TFEC: variants seen among roughly 807,000 people sequenced by gnomAD.
The protein encoded by TFEC is class E basic helix-loop-helix protein 34.
A neutral mutation model predicts 41.6 loss-of-function variants in TFEC; 31 were observed. That is an observed-to-expected ratio of 0.74 (90% CI 0.56 to 1.01). The LOEUF is 1.01. Ranked by LOEUF, TFEC falls within the 50% of genes least tolerant of loss-of-function variation. TFEC has a pLI of 0.00. For synonymous variants in TFEC, 143 were observed against 140.6 expected (o/e 1.02, Z -0.12); for missense variants, 402 against 404.1 (o/e 0.99, Z 0.04).
chr7:115,951,425 A>C (rs535187786), intron 5 of TFEC, among the ~76,000 whole-genome samples: 1 of 152,214 alleles, frequency 6.6e-6, no homozygotes, highest in East Asian at 1.9e-4. Context: ...CCTTGAGGGC[A>C]GGGACCTAAC....
At chr7:116,040,519 A>G (rs1796011794) in intron 3 of TFEC, among the ~76,000 whole-genome samples, 1 of 152,186 alleles carries the variant, frequency 6.6e-6, no homozygotes, top group Non-Finnish European at 1.5e-5. Context: ...CAAATATTTG[A>G]TATTTTAATA....
rs1793334997 is a variant in TFEC, at chr7:115,938,450, C to T, written c.*2101G>A. 1.3e-5 allele frequency: 2 copies of T among 151,816 alleles called. No individual in the cohort carries two copies. Among genetic ancestry groups the T allele is most frequent in the South Asian group, 4.1e-4 (2 of 4,830 alleles). 9.4% of individuals were successfully genotyped at this position (151,816 alleles called of 1,614,324 possible). A position where few individuals can be genotyped will look rare whatever the true frequency, so the allele number is the denominator to read the frequency against. On this transcript the variant is annotated 3_prime_UTR_variant, in exon 8 of 8. Coordinates refer to ENST00000265440, the MANE Select transcript of TFEC (RefSeq NM_012252.4). ...ATTATTGAGAAGATGTATCTAATAG[C>T]TGTTTCACATGGCATATTTCAGATG...
At chr7:116,098,853 AAG>A (rs948817737) in intron 3 of TFEC, among the ~76,000 whole-genome samples, 3 of 145,796 alleles carry the variant, frequency 2.1e-5, no homozygotes, top group Non-Finnish European at 4.5e-5. Context: ...AGAAGAAAGA[AAG>A]AGAGAGGAAG....
At chr7:116,081,279 G>T (rs1303499877) in intron 3 of TFEC, among the ~76,000 whole-genome samples, 1 of 151,602 alleles carries the variant, frequency 6.6e-6, no homozygotes, top group African/African-American at 2.4e-5. Context: ...CACTGCTAGG[G>T]TGATGGGTGC....
chr7:116,059,236 C>A (rs763477117), intron 3 of TFEC, among the ~76,000 whole-genome samples: 2 of 151,460 alleles, frequency 1.3e-5, no homozygotes, highest in Non-Finnish European at 3.0e-5. Context: ...CAACTTCATG[C>A]CAAAAAAGTC....
In TFEC at chr7:115,939,768, A is replaced by ATATGTG. The variant is rs1469122634; in HGVS notation, c.*777_*782dup. On this transcript the variant is annotated 3_prime_UTR_variant, in exon 8 of 8. Coordinates refer to ENST00000265440, the MANE Select transcript of TFEC (RefSeq NM_012252.4). ...AACATATACTACCTGAATGATGTGC[A>ATATGTG]TATGTGTATGTGTATGTTTGTGTGA... The ATATGTG allele has an allele frequency of 6.6e-6, 1 of 152,082 alleles. No individual in the cohort carries two copies. The highest frequency in any genetic ancestry group is 1.5e-5 in the Non-Finnish European group (1 of 67,992). 9.4% of individuals were successfully genotyped at this position (152,082 alleles called of 1,614,324 possible).
intron 1 of TFEC, among the ~76,000 whole-genome samples, chr7:116,020,750 C>T (rs1795366664): frequency 6.6e-6 from 1 of 151,944 alleles, no homozygotes; most frequent in Admixed American, 6.6e-5. Flanking sequence ...GCCCTAAAAT[C>T]TATCTAATCG....
chr7:116,057,129 G>C (rs1037251913), intron 3 of TFEC, among the ~76,000 whole-genome samples: 7 of 151,932 alleles, frequency 4.6e-5, no homozygotes, highest in African/African-American at 1.7e-4. Context: ...GAGTAAAACA[G>C]TAAAAACAAC....
chr7:116,023,743 G>T (rs1031580172), intron 1 of TFEC, among the ~76,000 whole-genome samples: 4 of 151,986 alleles, frequency 2.6e-5, no homozygotes, highest in Admixed American at 6.6e-5. Context: ...ATTGAAAAGG[G>T]CTCTAAAAAT....
intron 3 of TFEC, among the ~76,000 whole-genome samples, chr7:116,062,002 T>C (rs1796568670): frequency 1.3e-5 from 2 of 151,742 alleles, no homozygotes; most frequent in Admixed American, 1.3e-4. Context: ...GGAATTTTTT[T>C]TTTTTTAATC....
At chr7:116,073,413 T>C (rs1009899433) in intron 3 of TFEC, among the ~76,000 whole-genome samples, 6 of 151,814 alleles carry the variant, frequency 4.0e-5, no homozygotes, top group Non-Finnish European at 7.4e-5. Flanking sequence ...TTTTAATTAA[T>C]GATAAGCAAA....
intron 3 of TFEC, among the ~76,000 whole-genome samples, chr7:116,058,356 CAG>C (rs1462158315): frequency 2.0e-5 from 3 of 149,970 alleles, no homozygotes; most frequent in Non-Finnish European, 1.5e-5. Flanking sequence ...AACCTAATAA[CAG>C]AGTTTCAAAA....
At chr7:116,090,918 G>T (rs1003118294) in intron 3 of TFEC, among the ~76,000 whole-genome samples, 11 of 151,304 alleles carry the variant, frequency 7.3e-5, no homozygotes, top group Non-Finnish European at 1.5e-4. Flanking sequence ...GTTGAACAAT[G>T]AGAACATAGG....
At chr7:116,039,640 A>G (rs1004124096) in intron 3 of TFEC, among the ~76,000 whole-genome samples, 4 of 152,092 alleles carry the variant, frequency 2.6e-5, no homozygotes, top group African/African-American at 4.8e-5. Context: ...TAACTATAAC[A>G]GTACAATTAT....
chr7:115,976,392 T>G (rs1056858864), intron 2 of TFEC, among the ~76,000 whole-genome samples: 2 of 152,090 alleles, frequency 1.3e-5, no homozygotes, highest in African/African-American at 4.8e-5. Context: ...ACCACTGCAC[T>G]CCAGCCCAGG....
chr7:116,117,103 C>T (rs891221034), intron 1 of TFEC, among the ~76,000 whole-genome samples: 1 of 151,852 alleles, frequency 6.6e-6, no homozygotes, highest in East Asian at 1.9e-4. Context: ...GTTGGACCCA[C>T]AAATAAATTA....
upstream of TFEC, among the ~76,000 whole-genome samples, chr7:116,032,931 T>C (rs1795823570): frequency 6.6e-6 from 1 of 152,150 alleles, no homozygotes; most frequent in Non-Finnish European, 1.5e-5. Flanking sequence ...TAGTATAGTA[T>C]ACTACTTGCC....
At chr7:116,045,352 T>G (rs2402027) in intron 3 of TFEC, among the ~76,000 whole-genome samples, 93,367 of 152,036 alleles carry the variant, frequency 0.61, 29,218 homozygotes, top group East Asian at 0.74. Context: ...ACTTGAGAGA[T>G]ATTATTTAAA....
At chr7:115,968,574 C>T (rs1256878228) in intron 3 of TFEC, among the ~76,000 whole-genome samples, 3 of 151,834 alleles carry the variant, frequency 2.0e-5, no homozygotes, top group Non-Finnish European at 4.4e-5. Context: ...TGCACAACCA[C>T]GTCTCTGAAA....
Sources: gnomAD v4.1 joint callset for allele counts (sites outside exome capture counted in the v4.1 genomes callset) on GRCh38, gnomAD v4.1.1 for gene constraint, MANE v1.5 for transcripts, NCBI Gene and HGNC (gene_info 2026-07-23, HGNC 2026-07-21) for gene names.